Variants in AK8 observed in about 807,000 individuals in gnomAD.
The protein encoded by AK8 is adenylate kinase 8, also known as ATP-AMP transphosphorylase 8.
In AK8, 44 loss-of-function variants were observed where a neutral mutation model predicts 54.6. The observed-to-expected ratio is 0.81, with a 90% CI of 0.63 to 1.04. AK8 has a LOEUF of 1.04. Among genes scored for constraint, AK8 ranks in the 50% least tolerant of loss-of-function variants. The pLI is 0.00. For synonymous variants in AK8, 239 were observed against 245.6 expected (o/e 0.97, Z 0.25); for missense variants, 555 against 613.6 (o/e 0.90, Z 1.01).
In AK8 at chr9:132,799,658, T is replaced by C. The variant is rs1840350667; in HGVS notation, c.980-6883A>G. Among the ~76,000 whole-genome samples the C allele has an allele frequency of 6.6e-6, 1 of 151,510 alleles. No homozygotes were observed. The highest frequency in any genetic ancestry group is 1.5e-5 in the Non-Finnish European group (1 of 67,864). On this transcript the variant is annotated intron_variant, in intron 10 of 12. Coordinates refer to ENST00000298545, the MANE Select transcript of AK8 (RefSeq NM_152572.3). This position sits in a 1 kb window ranked among gnomAD's most constrained non-coding sequence, Gnocchi z 5.0. ...TACACCCCACCACGTGCACAACACA[T>C]ACTGTATACCCACCTATCCACACAT...
chr9:132,814,873 G>T, intron 9 of AK8, 146 bp from the exon 10 acceptor site: 1 of 592,044 alleles, frequency 1.7e-6, no homozygotes, highest in South Asian at 2.4e-5. Flanking sequence ...GTGTGGGTAT[G>T]TGTCCAAGTA....
At chr9:132,765,704 T>C (rs983859349) in intron 11 of AK8, among the ~76,000 whole-genome samples, 15 of 152,182 alleles carry the variant, frequency 9.9e-5, no homozygotes, top group Non-Finnish European at 2.2e-4. Context: ...ATAAAGCTCA[T>C]ATATATGGCA....
chr9:132,797,496 C>A (rs1564406196), intron 10 of AK8, among the ~76,000 whole-genome samples: 1 of 152,150 alleles, frequency 6.6e-6, no homozygotes, highest in African/African-American at 2.4e-5. Context: ...TCTACGTGAT[C>A]ACCCACTCGT....
At chr9:132,842,525 A>T (rs1415080442) in intron 5 of AK8, among the ~76,000 whole-genome samples, 2 of 152,148 alleles carry the variant, frequency 1.3e-5, no homozygotes, top group African/African-American at 4.8e-5. Context: ...GGCCTCCCTG[A>T]AGAAGTGACT....
At chr9:132,752,669 T>C (rs1317065656) in intron 11 of AK8, among the ~76,000 whole-genome samples, 1 of 148,780 alleles carries the variant, frequency 6.7e-6, no homozygotes, top group East Asian at 1.9e-4. Flanking sequence ...CCCCCAGCTC[T>C]CCTGGAATGG....
At chr9:132,838,595 G>A (rs1053275340) in intron 5 of AK8, among the ~76,000 whole-genome samples, 1 of 152,212 alleles carries the variant, frequency 6.6e-6, no homozygotes, top group Non-Finnish European at 1.5e-5. Context: ...CCAGGAGGAA[G>A]ATTATGCAGA....
At chr9:132,818,003 T>C (rs1841404679) in intron 9 of AK8, among the ~76,000 whole-genome samples, 1 of 152,120 alleles carries the variant, frequency 6.6e-6, no homozygotes, top group South Asian at 2.1e-4. Flanking sequence ...GCAACAATGG[T>C]AAAAATAACC....
At chr9:132,726,687 A>G (rs1251333904) in intron 12 of AK8, among the ~76,000 whole-genome samples, 1 of 152,196 alleles carries the variant, frequency 6.6e-6, no homozygotes, top group Non-Finnish European at 1.5e-5. Flanking sequence ...TATGGAGCTC[A>G]CAGTCAGATG....
At chr9:132,854,117 C>CT (rs1843079774) in intron 5 of AK8, among the ~76,000 whole-genome samples, 2 of 152,194 alleles carry the variant, frequency 1.3e-5, no homozygotes. Context: ...AGGAGGATCA[C>CT]TTGAGCCTGG....
chr9:132,812,767 G>A (rs1841123925), intron 10 of AK8, among the ~76,000 whole-genome samples: 1 of 152,190 alleles, frequency 6.6e-6, no homozygotes, highest in African/African-American at 2.4e-5. Flanking sequence ...ATCTGAACCA[G>A]ACTGGGAAGC....
At chr9:132,783,527 C>G (rs543579137) in intron 11 of AK8, among the ~76,000 whole-genome samples, 7 of 149,568 alleles carry the variant, frequency 4.7e-5, no homozygotes, top group East Asian at 2.0e-4. Context: ...CATCTTGGGA[C>G]CCAGTTATAG....
chr9:132,839,700 T>C (rs1842457396), intron 5 of AK8, among the ~76,000 whole-genome samples: 1 of 151,746 alleles, frequency 6.6e-6, no homozygotes, highest in Non-Finnish European at 1.5e-5. Context: ...GGAGACACTG[T>C]GAACAGAATG....
At chr9:132,840,484 G>T (rs558335672) in intron 5 of AK8, among the ~76,000 whole-genome samples, 109 of 151,906 alleles carry the variant, frequency 7.2e-4, no homozygotes, top group African/African-American at 2.6e-3. Context: ...GCAGTCTGCA[G>T]CTGGCTCGGA....
At chr9:132,878,700 G>A, upstream of AK8, 2 of 989,064 alleles carry the variant, frequency 2.0e-6, no homozygotes, top group Non-Finnish European at 2.4e-6. This position sits in a 1 kb window ranked among gnomAD's most constrained non-coding sequence, Gnocchi z 4.7. Context: ...TTTGAAGGGG[G>A]AGGGGCGTCC....
chr9:132,839,820 CG>C (rs11368446), intron 5 of AK8, among the ~76,000 whole-genome samples: 826 of 73,530 alleles, frequency 0.011, 25 homozygotes, highest in Middle Eastern at 0.06. Context: ...TTTTTTTTGC[CG>C]GGGGGGGGGG....
At chr9:132,752,942 G>A (rs745420938) in intron 11 of AK8, among the ~76,000 whole-genome samples, 6 of 152,100 alleles carry the variant, frequency 3.9e-5, no homozygotes, top group African/African-American at 9.7e-5. Flanking sequence ...TTTGTCTAAC[G>A]TCGCCTCCTC....
chr9:132,773,920 GT>G (rs1839091932), intron 11 of AK8, among the ~76,000 whole-genome samples: 1 of 152,206 alleles, frequency 6.6e-6, no homozygotes, highest in Non-Finnish European at 1.5e-5. Flanking sequence ...AACACCATGA[GT>G]AAAAACTCCG....
chr9:132,844,354 C>A (rs1371957029), intron 5 of AK8, among the ~76,000 whole-genome samples: 1 of 148,530 alleles, frequency 6.7e-6, no homozygotes, highest in South Asian at 2.2e-4. Flanking sequence ...GCATTAACTA[C>A]AGAATCCTGA....
Position 132,846,011 on chromosome 9 carries a change from C to A in AK8, c.402+8846G>T, listed in dbSNP as rs529828797. ...AAGAAGGGCAGTGCGGCTTCAAGGGCGTGTATATAGCCAGTGGGACACACA... is the reference window on the plus strand; with the variant it reads ...AAGAAGGGCAGTGCGGCTTCAAGGGAGTGTATATAGCCAGTGGGACACACA... On this transcript the variant is annotated intron_variant, in intron 5 of 12. Coordinates refer to ENST00000298545, the MANE Select transcript of AK8 (RefSeq NM_152572.3). Among the ~76,000 whole-genome samples the A allele has an allele frequency of 2.0e-5, 3 of 152,240 alleles. No homozygotes were observed. In the East Asian group the frequency reaches 5.8e-4, roughly 29 times the overall value.
Sources: allele counts gnomAD v4.1 joint callset (sites outside exome capture counted in the v4.1 genomes callset), GRCh38; gene constraint gnomAD v4.1.1; non-coding constraint Gnocchi (gnomAD v3.1); transcripts MANE v1.5; gene names NCBI Gene and HGNC (gene_info 2026-07-23, HGNC 2026-07-21).